Variants in GAS5 observed in about 807,000 individuals in gnomAD.
GAS5 encodes the protein growth arrest specific 5 (non-protein coding).
upstream of GAS5, chr1:173,867,975 T>C: frequency 9.0e-6 from 3 of 332,810 alleles, no homozygotes; most frequent in South Asian, 4.6e-5. Flanking sequence ...AGGAGTCGAC[T>C]CCTACCTCGA....
chr1:173,866,520 T>C (rs2102687262), intron 3 of GAS5: 1 of 702,206 alleles, frequency 1.4e-6, no homozygotes, highest in Non-Finnish European at 2.6e-6. Flanking sequence ...AAAATAGAGG[T>C]GTCTCACCTG....
At chr1:173,867,340 T>C, upstream of GAS5, 1 of 394,768 alleles carries the variant, frequency 2.5e-6, no homozygotes, top group South Asian at 2.9e-5. Context: ...GCCAACATGG[T>C]GAAACCCCGT....
chr1:173,867,854 C>A, upstream of GAS5: 1 of 466,390 alleles, frequency 2.1e-6, no homozygotes, highest in South Asian at 1.5e-5. Context: ...GTAGGCCCTG[C>A]AAAGGCGCGC....
upstream of GAS5, chr1:173,868,827 A>T (rs1179457117): frequency 6.5e-6 from 1 of 153,208 alleles, no homozygotes; most frequent in African/African-American, 2.4e-5. Context: ...TTTGCCCTTT[A>T]GCCAGTTCCC....
upstream of GAS5, chr1:173,868,790 A>G (rs1655252233): frequency 6.5e-6 from 1 of 152,918 alleles, no homozygotes; most frequent in Admixed American, 6.5e-5. Flanking sequence ...CCTTGTCCCC[A>G]TCTTCTCCGA....
chr1:173,863,963 C>T (rs1654166225), intron 7 of GAS5: 1 of 297,686 alleles, frequency 3.4e-6, no homozygotes, highest in South Asian at 3.0e-5. Context: ...CATGAGACTC[C>T]ATCAGGCAGT....
At chr1:173,867,212 C>G (rs1302221955), upstream of GAS5, 5 of 543,244 alleles carry the variant, frequency 9.2e-6, no homozygotes, top group Admixed American at 1.4e-4. Flanking sequence ...AAGCACTGCA[C>G]CCGCAGTTAA....
chr1:173,867,665 C>T, upstream of GAS5: 1 of 519,074 alleles, frequency 1.9e-6, no homozygotes, highest in East Asian at 5.4e-5. Context: ...TCGGGTGACT[C>T]GGCATGTGCC....
intron 1 of GAS5, chr1:173,866,932 A>G (rs1654795799): frequency 1.3e-6 from 1 of 765,378 alleles, no homozygotes; most frequent in Admixed American, 1.7e-5. Flanking sequence ...TTAAAGCATC[A>G]CAGGCTGAGA....
At chr1:173,867,866 A>G, upstream of GAS5, 1 of 447,542 alleles carries the variant, frequency 2.2e-6, no homozygotes, top group Non-Finnish European at 4.5e-6. Context: ...AAGGCGCGCG[A>G]CTGGCTTAGA....
chr1:173,865,971 C>T (rs1557871477), intron 4 of GAS5: 2 of 519,096 alleles, frequency 3.9e-6, no homozygotes, highest in African/African-American at 3.8e-5. Context: ...TGCCTTTAGT[C>T]AGTTAGAGCT....
At position 173,865,732 on chromosome 1, in the gene GAS5, C is replaced by T. The variant is rs374406074; in HGVS notation, n.199+125G>A. On this transcript the variant is annotated intron_variant and non_coding_transcript_variant, in intron 5 of 7. Transcript: ENST00000651080. ...TCAAGGAAAACACATAAACACTGTT[C>T]CAGACATGCTCAAGGAAAATACAGT... The T allele has an allele frequency of 9.3e-4, 484 of 519,186 alleles. 10 individuals carry two copies. The highest frequency in any genetic ancestry group is 6.5e-3 in the South Asian group (467 of 71,582). 32.2% of individuals were successfully genotyped at this position (519,186 alleles called of 1,614,324 possible).
upstream of GAS5, chr1:173,867,500 A>C (rs971831579): frequency 1.1e-5 from 4 of 370,432 alleles, no homozygotes; most frequent in South Asian, 4.0e-5. Flanking sequence ...TGACAGAACG[A>C]GGCTCGGTCT....
chr1:173,865,375 ATT>A (rs771821795), intron 6 of GAS5: 12 of 515,348 alleles, frequency 2.3e-5, no homozygotes, highest in Middle Eastern at 3.3e-4. Flanking sequence ...ATTAATCTCC[ATT>A]TTCTTTCTCA....
upstream of GAS5, chr1:173,867,780 C>G (rs768681108): frequency 9.6e-6 from 5 of 519,054 alleles, no homozygotes; most frequent in African/African-American, 7.7e-5. Context: ...CAGTTCTACT[C>G]TAACATAGTC....
At chr1:173,866,983 A>G (rs780995153) in intron 1 of GAS5, 19 of 765,254 alleles carry the variant, frequency 2.5e-5, no homozygotes, top group East Asian at 1.9e-4. Context: ...ACTTTCCCCA[A>G]TTCTTACCTG....
intron 6 of GAS5, chr1:173,865,254 C>T (rs532860507): frequency 5.4e-6 from 2 of 373,396 alleles, no homozygotes; most frequent in Non-Finnish European, 1.0e-5. Flanking sequence ...ACTTGCTCCA[C>T]ACAGTGTAGT....
At chr1:173,867,012 G>A in exon 1 of GAS5, 1 of 764,330 alleles carries the variant, frequency 1.3e-6, no homozygotes, top group South Asian at 1.3e-5. Flanking sequence ...GTGCTATCCA[G>A]AGCCACACTG....
chr1:173,865,691 C>T (rs775293030), intron 5 of GAS5: 2 of 519,222 alleles, frequency 3.9e-6, no homozygotes, highest in Non-Finnish European at 7.7e-6. Flanking sequence ...TTACACAAAC[C>T]CCGTTCCAAA....
Sources: allele counts gnomAD v4.1 joint callset, GRCh38; gene constraint gnomAD v4.1.1; transcripts MANE v1.5; gene names NCBI Gene and HGNC (gene_info 2026-07-23, HGNC 2026-07-21).